RRM1: variants seen among roughly 807,000 people sequenced by gnomAD.
RRM1 encodes the protein ribonucleoside-diphosphate reductase large subunit.
Under a neutral mutation model 101.5 loss-of-function variants are expected in RRM1, and 19 were observed. The observed-to-expected ratio is 0.19, with a 90% confidence interval of 0.13 to 0.27. The LOEUF (loss-of-function observed/expected upper bound fraction) is 0.27, where lower values mean the gene tolerates loss of function less well. RRM1 is among the 10% of genes least tolerant of loss of function. RRM1 has a pLI of 1.00. For synonymous variants in RRM1, 298 were observed against 323.4 expected (o/e 0.92, Z 0.84); for missense variants, 500 against 962.9 (o/e 0.52, Z 6.36).
In RRM1 at chr11:4,127,299, A is replaced by G. The variant is rs2094591434; in HGVS notation, c.1692+43A>G. The stretch of plus-strand genomic sequence containing the variant: ...ATTGTTTTTGCCTGTGAGTACCTGT[A>G]GTGGGCTGAATGGTGACCCCACAAA... On this transcript the variant is annotated intron_variant, in intron 14 of 18. Transcript: ENST00000300738. 3 of 1,308,844 alleles carry G rather than the reference A, an allele frequency of 2.3e-6. No homozygotes were observed. The African/African-American group carries it at 4.4e-5, about 19-fold the overall frequency. The allele number at this position is 1,308,844 out of a possible 1,614,324, so 81.1% of individuals were successfully genotyped here.
intron 17 of RRM1, 103 bp from the exon 18 acceptor site, chr11:4,134,979 G>A: frequency 1.2e-6 from 1 of 820,310 alleles, no homozygotes. Context: ...GGTCAGATCT[G>A]GCAGGAAGTA....
chr11:4,122,046 G>A, intron 10 of RRM1, 95 bp from the exon 11 acceptor site: 3 of 969,926 alleles, frequency 3.1e-6, no homozygotes, highest in South Asian at 1.6e-5. Flanking sequence ...TTCCAAGAGA[G>A]CTTGTAAAAG....
At chr11:4,104,092 C>T (rs1485699614) in intron 2 of RRM1, among the ~76,000 whole-genome samples, 2 of 151,902 alleles carry the variant, frequency 1.3e-5, no homozygotes, top group African/African-American at 4.8e-5. Flanking sequence ...GCACAGGCCA[C>T]AGAATGAGAC....
intron 9 of RRM1, among the ~76,000 whole-genome samples, chr11:4,120,857 A>G (rs1214411592): frequency 6.6e-6 from 1 of 152,142 alleles, no homozygotes; most frequent in Non-Finnish European, 1.5e-5. Flanking sequence ...CATCTCCACA[A>G]AAAATACAAA....
Position 4,132,515 on chromosome 11 carries a change from A to G in RRM1, c.1905+94A>G. 1 of 1,363,440 alleles carries G rather than the reference A, an allele frequency of 7.3e-7. No individual in the cohort carries two copies. The highest frequency in any genetic ancestry group is 1.4e-5 in the African/African-American group (1 of 69,766). 84.5% of individuals were successfully genotyped at this position (1,363,440 alleles called of 1,614,324 possible). ...TCATGTTTAATTTGCCCATTTTCTTAGTTTGGGTGCAAACTTTGATAAAGA... is the reference window on the plus strand; with the variant it reads ...TCATGTTTAATTTGCCCATTTTCTTGGTTTGGGTGCAAACTTTGATAAAGA... On this transcript the variant is annotated intron_variant, in intron 16 of 18. Coordinates refer to ENST00000300738, the MANE Select transcript of RRM1 (RefSeq NM_001033.5). This position sits in a 1 kb window ranked among gnomAD's most constrained non-coding sequence, Gnocchi z 4.1.
At chr11:4,137,441 G>T (rs1470288556) in intron 18 of RRM1, among the ~76,000 whole-genome samples, 1 of 136,104 alleles carries the variant, frequency 7.3e-6, no homozygotes, top group African/African-American at 2.8e-5. Flanking sequence ...CTGGCCGGGC[G>T]GGGGGCTCAC....
At chr11:4,131,847 G>A (rs1156504307) in intron 15 of RRM1, among the ~76,000 whole-genome samples, 2 of 152,128 alleles carry the variant, frequency 1.3e-5, no homozygotes, top group Non-Finnish European at 1.5e-5. Context: ...TCCAGAAGGG[G>A]CCTAGCACAA....
chr11:4,112,125 A>G (rs1334217878), intron 7 of RRM1, 63 bp downstream of exon 7: 2 of 1,286,210 alleles, frequency 1.6e-6, no homozygotes, highest in East Asian at 2.3e-5. Flanking sequence ...AGTTCATCAC[A>G]TAAAAAATAA....
intron 12 of RRM1, 118 bp downstream of exon 12, chr11:4,123,502 C>A: frequency 2.6e-6 from 2 of 773,416 alleles, no homozygotes; most frequent in Non-Finnish European, 2.2e-6. Context: ...TAGTTGTAAG[C>A]AGAAGAACAC....
chr11:4,135,987 T>C (rs1359185636), intron 18 of RRM1, among the ~76,000 whole-genome samples: 4 of 151,638 alleles, frequency 2.6e-5, no homozygotes, highest in African/African-American at 9.7e-5. Context: ...TAAACAGTTA[T>C]AACCTAAGGC....
rs1266679071 is a variant in RRM1, at chr11:4,138,582, A to G, written c.*199A>G. On this transcript the variant is annotated 3_prime_UTR_variant, in exon 19 of 19. Transcript: ENST00000300738. ...ATATATTGGGATTTTCACCAAAATAATGCTTTTGAAAAAAAGAAAAAAAAA... is the reference window on the plus strand; with the variant it reads ...ATATATTGGGATTTTCACCAAAATAGTGCTTTTGAAAAAAAGAAAAAAAAA... 1 of 381,026 alleles carries G rather than the reference A, an allele frequency of 2.6e-6. No homozygotes were observed. Among genetic ancestry groups the G allele is most frequent in the Non-Finnish European group, 4.6e-6 (1 of 216,948 alleles). The allele number at this position is 381,026 out of a possible 1,614,324, so 23.6% of individuals were successfully genotyped here.
At chr11:4,128,953 G>T (rs2094594339) in intron 14 of RRM1, 121 bp from the exon 15 acceptor site, 2 of 557,552 alleles carry the variant, frequency 3.6e-6, no homozygotes, top group South Asian at 5.4e-5. Context: ...CATAGAGGTT[G>T]ATTAGAAGAC....
At chr11:4,118,533 C>T (rs1346802822) in intron 8 of RRM1, 72 bp downstream of exon 8, 1 of 1,540,114 alleles carries the variant, frequency 6.5e-7, no homozygotes, top group Non-Finnish European at 8.9e-7. Context: ...GTTGAGAGGG[C>T]ATATGCTATT....
chr11:4,119,305 A>C (rs2094578221), intron 8 of RRM1: 1 of 169,470 alleles, frequency 5.9e-6, no homozygotes, highest in African/African-American at 2.4e-5. Context: ...TGTTGGGATC[A>C]GAAGGGTTAA....
chr11:4,127,275 T>C lies in RRM1; in HGVS notation c.1692+19T>C. 1 of 1,522,354 alleles carries C rather than the reference T, an allele frequency of 6.6e-7. No individual in the cohort carries two copies. The highest frequency in any genetic ancestry group is 8.8e-7 in the Non-Finnish European group (1 of 1,134,910). The allele number at this position is 1,522,354 out of a possible 1,614,324, so 94.3% of individuals were successfully genotyped here. ...CAAAGGAGTAAGTATATGGATGGAA[T>C]TGTTTTTGCCTGTGAGTACCTGTAG... is the stretch of plus-strand genomic sequence containing the variant. On this transcript the variant is annotated intron_variant, in intron 14 of 18. Coordinates refer to ENST00000300738, the MANE Select transcript of RRM1 (RefSeq NM_001033.5).
At chr11:4,098,110 A>T (rs527754803) in intron 1 of RRM1, among the ~76,000 whole-genome samples, 13 of 152,242 alleles carry the variant, frequency 8.5e-5, no homozygotes, top group Non-Finnish European at 2.9e-5. Context: ...AGTATTTTCA[A>T]AACTTTGGAT....
chr11:4,105,964 A>G, intron 2 of RRM1, 82 bp from the exon 3 acceptor site: 4 of 1,182,492 alleles, frequency 3.4e-6, no homozygotes, highest in South Asian at 1.3e-5. Context: ...ACACCTGGCC[A>G]TGATGGTTTT....
chr11:4,137,472 C>G lies in RRM1; in HGVS notation c.2191-723C>G, dbSNP rs11031089. On this transcript the variant is annotated intron_variant, in intron 18 of 18. Transcript: ENST00000300738. The stretch of plus-strand genomic sequence containing the variant: ...CTCACACCCCCACCTCCCTCCCGGA[C>G]GGGGCGGCTGGCCGGGCCGGGGGCT... 1.7e-4 allele frequency among the ~76,000 whole-genome samples: 15 copies of G among 89,772 alleles called. 2 individuals are homozygous for G. Among genetic ancestry groups the G allele is most frequent in the Admixed American group, 1.3e-3 (13 of 9,876 alleles). 58.9% of individuals were successfully genotyped at this position (89,772 alleles called of 152,430 possible).
intron 9 of RRM1, among the ~76,000 whole-genome samples, chr11:4,121,255 T>A (rs1349020945): frequency 1.3e-5 from 2 of 152,214 alleles, no homozygotes; most frequent in Non-Finnish European, 2.9e-5. Context: ...GCATGGCTTA[T>A]ACTGTCAAAG....
Sources: gnomAD v4.1 joint callset for allele counts (sites outside exome capture counted in the v4.1 genomes callset) on GRCh38, gnomAD v4.1.1 for gene constraint, Gnocchi (gnomAD v3.1) non-coding constraint, MANE v1.5 for transcripts, NCBI Gene and HGNC (gene_info 2026-07-23, HGNC 2026-07-21) for gene names.